The following USPL1 variants were observed in gnomAD, a reference collection of about 807,000 sequenced individuals.
The protein encoded by USPL1 is SUMO-specific isopeptidase USPL1.
USPL1 carries 27 observed loss-of-function variants against 51.5 expected under a neutral mutation model. That is an observed-to-expected ratio of 0.52 (90% CI 0.39 to 0.72). USPL1 has a LOEUF of 0.72. Among genes scored for constraint, USPL1 ranks in the 30% least tolerant of loss-of-function variants. The pLI, the probability that USPL1 is intolerant of heterozygous loss-of-function variation, is 0.00. For missense variants in USPL1, 1,226 were observed against 1,268.0 expected, an observed-to-expected ratio of 0.97 and a Z score of 0.50; for synonymous variants, 451 against 459.6, an observed-to-expected ratio of 0.98 and a Z score of 0.24.
chr13:30,643,395 T>G (rs1238243250), intron 6 of USPL1, among the ~76,000 whole-genome samples: 1 of 152,032 alleles, frequency 6.6e-6, no homozygotes, highest in Non-Finnish European at 1.5e-5. Flanking sequence ...TCCCATACAT[T>G]TCAGATAAGA....
Position 30,659,284 on chromosome 13 carries a change from A to T in USPL1, c.3207A>T (p.Ser1069=). ...TTTTCGATGAGTTTTTTTCCTCCTC[A>T]GCATTAAATGCTTTAGCAAATGACA... is the stretch of plus-strand genomic sequence containing the variant. ...TDIFDEFFSS[S]ALNALANDTL... is the part of the protein sequence containing the mutation. Residue 1069 remains serine, a synonymous_variant, in exon 9 of 9, where the codon TCA becomes TCT. Coordinates refer to ENST00000255304, the MANE Select transcript of USPL1 (RefSeq NM_005800.5). 1 of 1,614,146 alleles carries T rather than the reference A, an allele frequency of 6.2e-7. No homozygotes were observed. Among genetic ancestry groups the T allele is most frequent in the Non-Finnish European group, 8.5e-7 (1 of 1,179,992 alleles).
At chr13:30,653,382 T>C in intron 8 of USPL1, 77 bp downstream of exon 8, 1 of 1,420,310 alleles carries the variant, frequency 7.0e-7, no homozygotes, top group Non-Finnish European at 9.4e-7. Flanking sequence ...TTTTGGTTTT[T>C]GTTTTATAAA....
chr13:30,621,719 A>G, intron 2 of USPL1, 45 bp from the exon 3 acceptor site: 7 of 1,374,786 alleles, frequency 5.1e-6, no homozygotes, highest in Non-Finnish European at 6.7e-6. Flanking sequence ...ATTTTGATAT[A>G]TTCTAGGAAT....
chr13:30,653,537 C>T (rs576987565), intron 8 of USPL1, among the ~76,000 whole-genome samples: 4 of 152,180 alleles, frequency 2.6e-5, no homozygotes, highest in South Asian at 2.1e-4. Context: ...TAAACACATG[C>T]GCATGTGTGT....
Position 30,642,684 on chromosome 13 carries a change from A to T in USPL1, c.1039A>T (p.Ile347Phe). Residue 347 changes from isoleucine (I) to phenylalanine (F), a missense_variant, in exon 6 of 9, where the codon ATT (isoleucine) becomes TTT (phenylalanine). Physicochemically the swap from Ile to Phe is conservative, Grantham distance 21. Transcript: ENST00000255304. ...CCTGCTCTTAAAACTAGAAACCCACATTGAAAAGCTCTTCCTATATTCTTT... is the reference window on the plus strand; with the variant it reads ...CCTGCTCTTAAAACTAGAAACCCACTTTGAAAAGCTCTTCCTATATTCTTT... The part of the protein sequence containing the change: ...FPLLLKLETH[I>F]EKLFLYSFSW... 1 of 1,613,980 alleles carries T rather than the reference A, an allele frequency of 6.2e-7. No homozygotes were observed. Among genetic ancestry groups the T allele is most frequent in the African/African-American group, 1.3e-5 (1 of 75,044 alleles).
At chr13:30,653,414 C>G in intron 8 of USPL1, 109 bp downstream of exon 8, 2 of 1,105,240 alleles carry the variant, frequency 1.8e-6, no homozygotes, top group Non-Finnish European at 2.5e-6. Context: ...TTTGTCCTGA[C>G]TCTTTCTCTC....
chr13:30,631,146 T>C lies in USPL1; in HGVS notation c.540T>C (p.Val180=). The C allele has an allele frequency of 6.2e-7, 1 of 1,614,220 alleles. No homozygotes were observed. Among genetic ancestry groups the C allele is most frequent in the Non-Finnish European group, 8.5e-7 (1 of 1,180,042 alleles). The change falls in exon 4 of 9, where the codon GTT becomes GTC. Residue 180 remains valine (V), a synonymous_variant. Transcript: ENST00000255304. ...ERNEILEADT[V]DMATTKDPAT... ...ATGAGATTTTGGAAGCTGATACTGT[T>C]GACATGGCTACTACAAAAGATCCTG...
intron 3 of USPL1, among the ~76,000 whole-genome samples, chr13:30,629,200 G>A (rs557125416): frequency 6.6e-6 from 1 of 152,286 alleles, no homozygotes; most frequent in South Asian, 2.1e-4. Flanking sequence ...TTGAAACTTA[G>A]TCGCTCAAAA....
At position 30,658,871 on chromosome 13, in the gene USPL1, T is replaced by C. The variant is rs2137737026; in HGVS notation, c.2794T>C (p.Cys932Arg). The C allele has an allele frequency of 6.2e-7, 1 of 1,614,050 alleles. No homozygotes were observed. The highest frequency in any genetic ancestry group is 8.5e-7 in the Non-Finnish European group (1 of 1,180,024). The change falls in exon 9 of 9, where the codon TGT (cysteine) becomes CGT (arginine). Residue 932 changes from cysteine (C) to arginine (R), a missense_variant. By Grantham distance (180) the Cys-to-Arg change is radical (BLOSUM62 -3). Coordinates refer to ENST00000255304, the MANE Select transcript of USPL1 (RefSeq NM_005800.5). The part of the protein sequence containing the change: ...QVPQDGSPND[C>R]ESIEDLLNEL... ...GCCCCAGGATGGGTCTCCAAATGAT[T>C]GTGAATCAATAGAGGACTTGTTAAA...
rs147868952 is a variant in USPL1 at position 30,653,202 on chromosome 13, G to T, written c.1293G>T (p.Leu431Phe). 3,226 of 1,612,488 alleles carry T rather than the reference G, an allele frequency of 2.0e-3. 1 individual carries two copies. The highest frequency in any genetic ancestry group is 2.6e-3 in the Non-Finnish European group (3,008 of 1,178,936). ...TAGAAGGCTTACCACAGAATGACTTGCAGCACTATGCATTTCATTTTGAAG... is the reference window on the plus strand; with the variant it reads ...TAGAAGGCTTACCACAGAATGACTTTCAGCACTATGCATTTCATTTTGAAG... The part of the protein sequence containing the change: ...HFVEGLPQND[L>F]QHYAFHFEGC... The change falls in exon 8 of 9, where the codon TTG becomes TTT. Residue 431 changes from leucine to phenylalanine, a missense_variant. Transcript: ENST00000255304.
intron 6 of USPL1, among the ~76,000 whole-genome samples, chr13:30,643,606 C>T (rs1403469008): frequency 7.6e-6 from 1 of 131,644 alleles, no homozygotes; most frequent in East Asian, 2.1e-4. Flanking sequence ...TTCCACCCCC[C>T]CCCGCCCTTT....
intron 3 of USPL1, among the ~76,000 whole-genome samples, chr13:30,626,916 A>G (rs1201997076): frequency 6.6e-6 from 1 of 152,156 alleles, no homozygotes; most frequent in African/African-American, 2.4e-5. Context: ...GTAATCAAAG[A>G]AAACTTTTTT....
Position 30,630,944 on chromosome 13 carries a change from A to G in USPL1, c.338A>G (p.Tyr113Cys), listed in dbSNP as rs548415669. The G allele has an allele frequency of 8.1e-6, 13 of 1,614,156 alleles. No individual in the cohort carries two copies. In the South Asian group the frequency reaches 1.3e-4, roughly 16 times the overall value. The change falls in exon 4 of 9, where the codon TAT (tyrosine) becomes TGT (cysteine). Residue 113 changes from tyrosine to cysteine, a missense_variant. Coordinates refer to ENST00000255304, the MANE Select transcript of USPL1 (RefSeq NM_005800.5). ...PQKRKSLESS[Y>C]KDSLLLANSK... ...AAAAGGAAGAGCTTAGAAAGCAGCTATAAGGATTCACTTCTTTTAGCAAAT... is the reference window on the plus strand; with the variant it reads ...AAAAGGAAGAGCTTAGAAAGCAGCTGTAAGGATTCACTTCTTTTAGCAAAT...
chr13:30,631,526 GGTCTCATTCT>G, intron 4 of USPL1, 52 bp downstream of exon 4: 2 of 1,496,280 alleles, frequency 1.3e-6, no homozygotes, highest in Non-Finnish European at 1.8e-6. Flanking sequence ...CTGGAGTCAG[GGTCTCATTCT>G]GTCACCCAGG....
At chr13:30,647,758 A>T (rs1188446414) in intron 7 of USPL1, among the ~76,000 whole-genome samples, 1 of 152,172 alleles carries the variant, frequency 6.6e-6, no homozygotes, top group East Asian at 1.9e-4. Context: ...TTGATGTAAT[A>T]AAGAACCGGG....
intron 4 of USPL1, among the ~76,000 whole-genome samples, chr13:30,637,385 AATGGTTAGACATC>A (rs1273279600): frequency 3.9e-5 from 6 of 152,234 alleles, no homozygotes; most frequent in African/African-American, 7.2e-5. Flanking sequence ...GAGTGGAATA[AATGGTTAGACATC>A]ATTTGTAGTA....
At chr13:30,651,278 T>G (rs945366444) in intron 7 of USPL1, among the ~76,000 whole-genome samples, 2 of 152,226 alleles carry the variant, frequency 1.3e-5, no homozygotes, top group African/African-American at 4.8e-5. Flanking sequence ...ATTTCTATCC[T>G]ATCTGAATCT....
chr13:30,654,394 TTC>T (rs533470946), intron 8 of USPL1, among the ~76,000 whole-genome samples: 3 of 151,508 alleles, frequency 2.0e-5, no homozygotes, highest in Non-Finnish European at 4.4e-5. Flanking sequence ...CCTTCATTCC[TTC>T]TCTCTCTCTC....
intron 4 of USPL1, among the ~76,000 whole-genome samples, chr13:30,637,491 T>TTATTTGG: frequency 6.6e-6 from 1 of 152,214 alleles, no homozygotes; most frequent in Non-Finnish European, 1.5e-5. Flanking sequence ...TTACTAGACC[T>TTATTTGG]GTGATTATTT....
Sources: allele counts gnomAD v4.1 joint callset (sites outside exome capture counted in the v4.1 genomes callset), GRCh38; gene constraint gnomAD v4.1.1; transcripts MANE v1.5; gene names NCBI Gene and HGNC (gene_info 2026-07-23, HGNC 2026-07-21).